CCDC171: variants seen among roughly 807,000 people sequenced by gnomAD.
CCDC171 encodes coiled-coil domain containing 171.
CCDC171 carries 177 observed loss-of-function variants against 168.2 expected under a neutral mutation model. The observed-to-expected ratio is 1.05, with a 90% confidence interval of 0.93 to 1.19. The LOEUF (loss-of-function observed/expected upper bound fraction) is 1.19, where lower values mean the gene tolerates loss of function less well. CCDC171 is among the 50% of genes most tolerant of loss of function. CCDC171 has a pLI of 0.00. For synonymous variants in CCDC171, 687 were observed against 540.8 expected, an observed-to-expected ratio of 1.27 and a Z score of -3.75; for missense variants, 1,991 against 1,539.0, an observed-to-expected ratio of 1.29 and a Z score of -4.91.
chr9:15,890,474 A>G (rs1343821641), intron 24 of CCDC171, among the ~76,000 whole-genome samples: 1 of 151,998 alleles, frequency 6.6e-6, no homozygotes, highest in African/African-American at 2.4e-5. Context: ...GCAGCAGTGA[A>G]GTCTATAGGA....
chr9:16,088,823 C>G, the CCDC171 span, among the ~76,000 whole-genome samples: 5 of 152,136 alleles, frequency 3.3e-5, no homozygotes, highest in Non-Finnish European at 7.3e-5. Context: ...CCTCATCAAG[C>G]TACCATTGAT....
In CCDC171 at chr9:15,843,337, G is replaced by A. The variant is rs568252803; in HGVS notation, c.3268-3365G>A. On this transcript the variant is annotated intron_variant, in intron 21 of 25. Transcript: ENST00000380701. The stretch of plus-strand genomic sequence containing the variant: ...ATATTGTGACATTGGTTCTTGTGTA[G>A]GTAGAATATTTTTTTCTGCTCTTTA... Among the ~76,000 whole-genome samples the A allele has an allele frequency of 2.0e-5, 3 of 152,108 alleles. No homozygotes were observed. In the South Asian group the frequency reaches 6.2e-4, roughly 32 times the overall value.
At chr9:15,915,714 C>A (rs117034739) in intron 24 of CCDC171, among the ~76,000 whole-genome samples, 1 of 152,114 alleles carries the variant, frequency 6.6e-6, no homozygotes, top group Non-Finnish European at 1.5e-5. Context: ...ATGCTTTCAA[C>A]TTTTCTTCAT....
At chr9:15,782,287 C>G (rs1227200824) in intron 20 of CCDC171, among the ~76,000 whole-genome samples, 1 of 152,228 alleles carries the variant, frequency 6.6e-6, no homozygotes, top group Non-Finnish European at 1.5e-5. Flanking sequence ...GACAGTCGTT[C>G]TTTAACAGCT....
At chr9:16,067,280 A>G in the CCDC171 span, among the ~76,000 whole-genome samples, 45,872 of 150,626 alleles carry the variant, frequency 0.3, 7,223 homozygotes, top group African/African-American at 0.36. Context: ...GTGTCTGTTC[A>G]TGTCCTCCGC....
At chr9:16,055,418 T>C (rs373805843) in intron 1 of CCDC171, among the ~76,000 whole-genome samples, 19 of 151,950 alleles carry the variant, frequency 1.3e-4, no homozygotes, top group African/African-American at 4.4e-4. Flanking sequence ...TCCTTGACAC[T>C]CATGTGAAGA....
chr9:15,929,245 A>G (rs1349892593), intron 25 of CCDC171, among the ~76,000 whole-genome samples: 1 of 151,758 alleles, frequency 6.6e-6, no homozygotes, highest in East Asian at 1.9e-4. Context: ...AACTGGCAAC[A>G]TAATGCTCTA....
chr9:15,557,942 C>T (rs1312980662), intron 1 of CCDC171, among the ~76,000 whole-genome samples: 2 of 152,062 alleles, frequency 1.3e-5, no homozygotes, highest in African/African-American at 2.4e-5. Context: ...GAGTTTTTAG[C>T]ATGAAGTGTT....
chr9:16,043,448 G>A (rs1833605174), intron 1 of CCDC171, among the ~76,000 whole-genome samples: 1 of 152,150 alleles, frequency 6.6e-6, no homozygotes, highest in African/African-American at 2.4e-5. Context: ...TTGGGGATGA[G>A]TACTGAAACA....
At chr9:15,801,305 G>A (rs768756300) in intron 21 of CCDC171, among the ~76,000 whole-genome samples, 2 of 151,722 alleles carry the variant, frequency 1.3e-5, no homozygotes, top group Non-Finnish European at 2.9e-5. Context: ...TTGTTTTATA[G>A]TTTTCATTGT....
chr9:15,578,818 A>C, intron 3 of CCDC171, 31 bp from the exon 4 acceptor site: 2 of 1,579,006 alleles, frequency 1.3e-6, no homozygotes, highest in Non-Finnish European at 1.7e-6. Flanking sequence ...TAATCTTTGG[A>C]CACATGTTGA....
chr9:15,827,435 A>G (rs1352748858), intron 21 of CCDC171, among the ~76,000 whole-genome samples: 1 of 152,180 alleles, frequency 6.6e-6, no homozygotes, highest in East Asian at 1.9e-4. Context: ...CATCTCCTAC[A>G]TACACTCTAG....
chr9:15,605,868 C>G (rs1455286134), intron 6 of CCDC171, among the ~76,000 whole-genome samples: 4 of 151,948 alleles, frequency 2.6e-5, no homozygotes, highest in African/African-American at 9.7e-5. Flanking sequence ...ATGTTCATAC[C>G]TTATTCTTTT....
chr9:15,663,838 C>G (rs187902689), intron 8 of CCDC171, among the ~76,000 whole-genome samples: 213 of 152,186 alleles, frequency 1.4e-3, no homozygotes, highest in African/African-American at 4.9e-3. Flanking sequence ...GATCTCCTAA[C>G]CTCATGATCC....
chr9:15,585,340 C>G (rs1394544087), intron 4 of CCDC171, among the ~76,000 whole-genome samples: 1 of 152,150 alleles, frequency 6.6e-6, no homozygotes, highest in South Asian at 2.1e-4. Flanking sequence ...GGGAAAAAGA[C>G]ATTCATTAAC....
Position 15,563,160 on chromosome 9 carries a change from C to T in CCDC171, c.-111-818C>T, listed in dbSNP as rs1179114810. On this transcript the variant is annotated intron_variant, in intron 1 of 25. Transcript: ENST00000380701. The stretch of plus-strand genomic sequence containing the variant: ...ACTTCTTTTTTTTTTTTTTTTGACA[C>T]GGAGTTTCTCTCTTGTTGGCCAGGC... Among the ~76,000 whole-genome samples the T allele has an allele frequency of 6.2e-5, 9 of 145,906 alleles. No individual in the cohort carries two copies. The South Asian group carries it at 8.6e-4, about 14-fold the overall frequency.
chr9:15,648,242 G>A (rs1214314493), intron 7 of CCDC171, among the ~76,000 whole-genome samples: 1 of 152,084 alleles, frequency 6.6e-6, no homozygotes, highest in Non-Finnish European at 1.5e-5. Context: ...TTGATGGGAC[G>A]TATCTCAAAA....
the CCDC171 span, among the ~76,000 whole-genome samples, chr9:16,093,240 G>T: frequency 1.3e-5 from 2 of 152,300 alleles, no homozygotes; most frequent in African/African-American, 4.8e-5. Context: ...AGGTTGTAAT[G>T]AGACTTCCTT....
At chr9:15,675,207 T>G (rs2049444511) in intron 9 of CCDC171, among the ~76,000 whole-genome samples, 1 of 148,102 alleles carries the variant, frequency 6.8e-6, no homozygotes, top group Non-Finnish European at 1.5e-5. Context: ...TTTTTTTTTT[T>G]TGCTTTCCAT....
Sources: allele counts gnomAD v4.1 joint callset (sites outside exome capture counted in the v4.1 genomes callset), GRCh38; gene constraint gnomAD v4.1.1; transcripts MANE v1.5; gene names NCBI Gene and HGNC (gene_info 2026-07-23, HGNC 2026-07-21).